Variants in ABTB3 observed in about 807,000 individuals in gnomAD.
The protein encoded by ABTB3 is ankyrin repeat and BTB domain containing 3, also known as ankyrin repeat- and BTB/POZ domain-containing protein 3.
the ABTB3 span, among the ~76,000 whole-genome samples, chr12:107,625,733 AAGGGGGTCTCCACTGACACCTGGGTGTC>A: frequency 1.3e-5 from 2 of 151,382 alleles, no homozygotes; most frequent in Non-Finnish European, 3.0e-5. Flanking sequence ...GCTGGGTGAG[AAGGGGGTCTCCACTGACACCTGGGTGTC>A]AGGGGGTGGG....
At chr12:107,482,913 C>CTTTTCT in the ABTB3 span, among the ~76,000 whole-genome samples, 1 of 117,998 alleles carries the variant, frequency 8.5e-6, no homozygotes, top group East Asian at 2.5e-4. Context: ...TCTCTTTCTT[C>CTTTTCT]TTCTTTCTTT....
chr12:107,511,733 A>G, the ABTB3 span, among the ~76,000 whole-genome samples: 2 of 152,186 alleles, frequency 1.3e-5, no homozygotes, highest in African/African-American at 2.4e-5. Flanking sequence ...AAGGAACTTC[A>G]AAATCATCTT....
the ABTB3 span, among the ~76,000 whole-genome samples, chr12:107,403,787 C>T: frequency 1.3e-5 from 2 of 152,148 alleles, no homozygotes; most frequent in Admixed American, 1.3e-4. Flanking sequence ...TCCACCTCTC[C>T]AAAGGGCCAC....
the ABTB3 span, among the ~76,000 whole-genome samples, chr12:107,513,332 C>T: frequency 6.6e-6 from 1 of 152,076 alleles, no homozygotes; most frequent in Non-Finnish European, 1.5e-5. Context: ...AATTGTAATC[C>T]CCATAATCCT....
the ABTB3 span, among the ~76,000 whole-genome samples, chr12:107,377,504 A>G: frequency 6.6e-6 from 1 of 151,390 alleles, no homozygotes; most frequent in Non-Finnish European, 1.5e-5. Flanking sequence ...CTTCTTGGGA[A>G]TCCCAACTTG....
the ABTB3 span, among the ~76,000 whole-genome samples, chr12:107,391,450 G>A: frequency 1.3e-5 from 2 of 152,120 alleles, no homozygotes; most frequent in Non-Finnish European, 1.5e-5. Flanking sequence ...AAAACACAGA[G>A]CACTTGTAGA....
the ABTB3 span, chr12:107,320,110 T>G: frequency 7.2e-7 from 1 of 1,385,648 alleles, no homozygotes. Context: ...CCCTCTCACC[T>G]AACCTGGCCA....
At chr12:107,515,410 C>T in the ABTB3 span, among the ~76,000 whole-genome samples, 16 of 152,318 alleles carry the variant, frequency 1.1e-4, no homozygotes, top group Non-Finnish European at 2.1e-4. Context: ...TCCCCTCTGA[C>T]CATCATCCCC....
the ABTB3 span, among the ~76,000 whole-genome samples, chr12:107,602,194 CCCT>C: frequency 1.3e-5 from 2 of 152,190 alleles, no homozygotes; most frequent in African/African-American, 2.4e-5. Context: ...AGCACTGACT[CCCT>C]CCCCACCCTC....
At chr12:107,576,021 T>G in the ABTB3 span, among the ~76,000 whole-genome samples, 1 of 152,142 alleles carries the variant, frequency 6.6e-6, no homozygotes. Flanking sequence ...TTCCAATCAG[T>G]CTCTCTCCAA....
chr12:107,468,902 C>T, the ABTB3 span, among the ~76,000 whole-genome samples: 3 of 152,202 alleles, frequency 2.0e-5, no homozygotes, highest in South Asian at 2.1e-4. Context: ...GGCTCACATC[C>T]GGGTCACACA....
the ABTB3 span, chr12:107,658,351 A>C: frequency 6.6e-6 from 1 of 150,708 alleles, no homozygotes; most frequent in Non-Finnish European, 1.5e-5. Context: ...TTTTTTTTTT[A>C]AATAGTAAGT....
the ABTB3 span, among the ~76,000 whole-genome samples, chr12:107,577,640 A>G: frequency 6.6e-6 from 1 of 151,996 alleles, no homozygotes; most frequent in Non-Finnish European, 1.5e-5. Context: ...GTCGCACCCT[A>G]TATACCTCTC....
chr12:107,374,776 T>A, the ABTB3 span: 1 of 156,446 alleles, frequency 6.4e-6, no homozygotes, highest in African/African-American at 2.4e-5. Context: ...GAAGCCTGTG[T>A]TTGTAGGGAC....
At chr12:107,332,448 C>T in the ABTB3 span, among the ~76,000 whole-genome samples, 1 of 152,064 alleles carries the variant, frequency 6.6e-6, no homozygotes, top group African/African-American at 2.4e-5. Flanking sequence ...TAGACTTGCT[C>T]AAAGTCCTAC....
At chr12:107,319,925 G>C in the ABTB3 span, 83 of 1,481,168 alleles carry the variant, frequency 5.6e-5, no homozygotes, top group African/African-American at 1.2e-3. Context: ...GCCGGCAGCC[G>C]CCGCCAACCA....
chr12:107,333,227 G>C, the ABTB3 span, among the ~76,000 whole-genome samples: 3 of 152,318 alleles, frequency 2.0e-5, no homozygotes, highest in East Asian at 1.9e-4. Flanking sequence ...GGGTCTTAGG[G>C]TCAGAAGGTG....
chr12:107,597,079 A>C, the ABTB3 span, among the ~76,000 whole-genome samples: 6 of 152,190 alleles, frequency 3.9e-5, no homozygotes, highest in African/African-American at 1.4e-4. Context: ...GTGCTTTTTT[A>C]ATGCCCTGTG....
At chr12:107,546,585 T>C in the ABTB3 span, among the ~76,000 whole-genome samples, 1 of 152,226 alleles carries the variant, frequency 6.6e-6, no homozygotes, top group South Asian at 2.1e-4. Flanking sequence ...GTCTACACGG[T>C]ATCCTTGCAT....
Sources: allele counts gnomAD v4.1 joint callset (sites outside exome capture counted in the v4.1 genomes callset), GRCh38; gene constraint gnomAD v4.1.1; transcripts MANE v1.5; gene names NCBI Gene and HGNC (gene_info 2026-07-23, HGNC 2026-07-21).